The following CCM2 variants were observed in gnomAD, a reference collection of about 807,000 sequenced individuals.
CCM2 encodes the protein cerebral cavernous malformations 2 protein.
CCM2 carries 25 observed loss-of-function variants against 44.9 expected under a neutral mutation model. The ratio of observed to expected loss-of-function variants is 0.56; its 90% confidence interval spans 0.41 to 0.78. CCM2 has a LOEUF of 0.78. Among genes scored for constraint, CCM2 ranks in the 30% least tolerant of loss-of-function variants. CCM2 has a pLI of 0.00. For synonymous variants in CCM2, 219 were observed against 241.1 expected (o/e 0.91, Z 0.85); for missense variants, 481 against 580.6 (o/e 0.83, Z 1.76).
chr7:45,032,077 G>A (rs1051277184), intron 1 of CCM2, among the ~76,000 whole-genome samples: 18 of 152,156 alleles, frequency 1.2e-4, no homozygotes, highest in African/African-American at 2.9e-4. Flanking sequence ...CCTGCATTCC[G>A]TGCTGAATGG....
intron 1 of CCM2, among the ~76,000 whole-genome samples, chr7:45,035,891 A>G (rs780722549): frequency 1.3e-5 from 2 of 152,146 alleles, no homozygotes; most frequent in African/African-American, 2.4e-5. Flanking sequence ...TGTCAAGGTA[A>G]ATACAGTCAT....
intron 1 of CCM2, among the ~76,000 whole-genome samples, chr7:45,029,896 C>CT (rs1796878259): frequency 6.6e-6 from 1 of 152,224 alleles, no homozygotes; most frequent in Admixed American, 6.5e-5. Context: ...TTGTTTTAAG[C>CT]TTAAGACGTT....
chr7:45,051,083 G>T (rs1797979537), intron 2 of CCM2, among the ~76,000 whole-genome samples: 1 of 152,152 alleles, frequency 6.6e-6, no homozygotes, highest in Non-Finnish European at 1.5e-5. Context: ...ACCACTGCCT[G>T]TACTACACTC....
chr7:45,056,778 C>T lies in CCM2; in HGVS notation c.205-7140C>T, dbSNP rs551147291. On this transcript the variant is annotated intron_variant, in intron 2 of 9. Transcript: ENST00000258781. Reference sequence around the variant, plus strand: ...TTCTCCCATACTGTGGGTTTTTTCACCGTGTTGATTGTATTCTTTGGCGCA... The same window carrying T: ...TTCTCCCATACTGTGGGTTTTTTCATCGTGTTGATTGTATTCTTTGGCGCA... 3.3e-5 allele frequency among the ~76,000 whole-genome samples: 5 copies of T among 152,194 alleles called. No individual in the cohort carries two copies. The South Asian group carries it at 8.3e-4, about 25-fold the overall frequency.
Position 45,076,369 on chromosome 7 carries a change from G to C in CCM2, c.*312G>C. On this transcript the variant is annotated 3_prime_UTR_variant, in exon 10 of 10. Coordinates refer to ENST00000258781, the MANE Select transcript of CCM2 (RefSeq NM_031443.4). ...GCCAGTCCTGTCGGCTGGGCCCTTG[G>C]ACGGCTGTCAGTTTTGCACATGATG... 1.8e-6 allele frequency: 1 copy of C among 548,368 alleles called. No homozygotes were observed. The highest frequency in any genetic ancestry group is 3.4e-6 in the Non-Finnish European group (1 of 294,322). The allele number at this position is 548,368 out of a possible 1,614,324, so 34.0% of individuals were successfully genotyped here.
chr7:45,072,946 G>A (rs534016999), intron 7 of CCM2, 163 bp downstream of exon 7: 8 of 701,618 alleles, frequency 1.1e-5, no homozygotes, highest in Middle Eastern at 3.6e-4. Flanking sequence ...GGCCTGGCTC[G>A]CCGCCCTCTC....
At chr7:45,042,191 G>A (rs928993365) in intron 2 of CCM2, among the ~76,000 whole-genome samples, 43 of 145,890 alleles carry the variant, frequency 2.9e-4, no homozygotes, top group African/African-American at 1.0e-3. Context: ...GCTTGACTCC[G>A]GAAGATGGAG....
chr7:45,045,797 AC>A (rs1317799252), intron 2 of CCM2, among the ~76,000 whole-genome samples: 1 of 152,202 alleles, frequency 6.6e-6, no homozygotes, highest in African/African-American at 2.4e-5. Flanking sequence ...CCTCAAAAAA[AC>A]AAAACAAAAC....
intron 2 of CCM2, among the ~76,000 whole-genome samples, chr7:45,051,863 G>A (rs1295457266): frequency 1.3e-5 from 2 of 149,244 alleles, no homozygotes; most frequent in Non-Finnish European, 3.0e-5. Context: ...GCCCGGCCAC[G>A]CCTGGCTAAT....
intron 2 of CCM2, among the ~76,000 whole-genome samples, chr7:45,051,197 A>G (rs1421749509): frequency 1.3e-5 from 2 of 152,160 alleles, no homozygotes; most frequent in African/African-American, 4.8e-5. Context: ...ACCTTTCCAG[A>G]TGAACTACAG....
At chr7:45,055,424 C>T (rs1439433266) in intron 2 of CCM2, among the ~76,000 whole-genome samples, 1 of 152,192 alleles carries the variant, frequency 6.6e-6, no homozygotes, top group Non-Finnish European at 1.5e-5. Flanking sequence ...CCCGGTGGCT[C>T]ATGCCTGTAA....
At chr7:45,019,001 C>T (rs558146091) in intron 1 of CCM2, among the ~76,000 whole-genome samples, 15 of 150,108 alleles carry the variant, frequency 1.0e-4, no homozygotes, top group Admixed American at 8.0e-4. Flanking sequence ...CTCAGATGAT[C>T]TGCCTGCCTC....
chr7:45,034,512 C>CTTTTTTTTTTT lies in CCM2; in HGVS notation c.31-3728_31-3718dup, dbSNP rs35845924. ...ATAAGCATGTGCCACCATGCCTGGC[C>CTTTTTTTTTTT]TTTTTTTTTTTTTTTTTTTTTTTGA... On this transcript the variant is annotated intron_variant, in intron 1 of 9. Coordinates refer to ENST00000258781, the MANE Select transcript of CCM2 (RefSeq NM_031443.4). Among the ~76,000 whole-genome samples the CTTTTTTTTTTT allele has an allele frequency of 7.7e-5, 5 of 65,234 alleles. 1 individual carries two copies. Among genetic ancestry groups the CTTTTTTTTTTT allele is most frequent in the Non-Finnish European group, 1.3e-4 (5 of 38,162 alleles). The allele number at this position is 65,234 out of a possible 152,430, so 42.8% of individuals were successfully genotyped here.
In CCM2 at chr7:45,011,806, C is replaced by T. The variant is rs1796077420; in HGVS notation, c.30+11443C>T. On this transcript the variant is annotated intron_variant, in intron 1 of 9. Coordinates refer to ENST00000258781, the MANE Select transcript of CCM2 (RefSeq NM_031443.4). Reference sequence around the variant, plus strand: ...ATCTCAAGTGATCTGCCTGCCTTGGCCTCTCTAAAAGTGCTGAGATTATAG... The same window carrying T: ...ATCTCAAGTGATCTGCCTGCCTTGGTCTCTCTAAAAGTGCTGAGATTATAG... Among the ~76,000 whole-genome samples, 6 of 152,296 alleles carry T rather than the reference C, an allele frequency of 3.9e-5. No homozygotes were observed. In the South Asian group the frequency reaches 1.2e-3, roughly 32 times the overall value.
In CCM2 at chr7:45,027,526, A is replaced by AT. The variant is rs1245335448; in HGVS notation, c.31-10723dup. ...CTTTTTGTGCATGCAGACTGTTTGG[A>AT]TTTTGCCAACAGTTTCTGGGTGCTG... is the stretch of plus-strand genomic sequence containing the variant. On this transcript the variant is annotated intron_variant, in intron 1 of 9. Transcript: ENST00000258781. The AT allele has an allele frequency of 1.6e-5, 18 of 1,153,290 alleles. No homozygotes were observed. The African/African-American group carries it at 2.6e-4, about 17-fold the overall frequency. 71.4% of individuals were successfully genotyped at this position (1,153,290 alleles called of 1,614,324 possible). A position where few individuals can be genotyped will look rare whatever the true frequency, so the allele number is the denominator to read the frequency against.
At chr7:45,001,166 C>G (rs769789783) in intron 1 of CCM2, among the ~76,000 whole-genome samples, 28 of 152,302 alleles carry the variant, frequency 1.8e-4, no homozygotes, top group Non-Finnish European at 4.0e-4. Flanking sequence ...CTACCCTGAA[C>G]TCTGCAGGGA....
At chr7:45,004,642 C>A (rs974289784) in intron 1 of CCM2, among the ~76,000 whole-genome samples, 4 of 152,146 alleles carry the variant, frequency 2.6e-5, no homozygotes, top group African/African-American at 4.8e-5. Context: ...TCTGTATAAC[C>A]GAAGTGAAAG....
intron 1 of CCM2, among the ~76,000 whole-genome samples, chr7:45,025,979 G>A (rs1464411451): frequency 6.6e-6 from 1 of 152,144 alleles, no homozygotes; most frequent in African/African-American, 2.4e-5. Flanking sequence ...CTGACCGTGG[G>A]GATCACTGTG....
intron 4 of CCM2, among the ~76,000 whole-genome samples, chr7:45,065,145 A>G (rs932935513): frequency 1.5e-4 from 22 of 146,058 alleles, no homozygotes; most frequent in African/African-American, 5.3e-4. Context: ...TGCTTTCACA[A>G]TGGGATAGAA....
Sources: gnomAD v4.1 joint callset for allele counts (sites outside exome capture counted in the v4.1 genomes callset) on GRCh38, gnomAD v4.1.1 for gene constraint, MANE v1.5 for transcripts, NCBI Gene and HGNC (gene_info 2026-07-23, HGNC 2026-07-21) for gene names.